The following CBLB variants were observed in gnomAD, a reference collection of about 807,000 sequenced individuals.
CBLB encodes the protein E3 ubiquitin-protein ligase CBL-B.
CBLB carries 31 observed loss-of-function variants against 104.9 expected under a neutral mutation model. That is an observed-to-expected ratio of 0.30 (90% CI 0.22 to 0.40). The LOEUF (loss-of-function observed/expected upper bound fraction) is 0.40, where lower values mean the gene tolerates loss of function less well. Among genes scored for constraint, CBLB ranks in the 10% least tolerant of loss-of-function variants. The pLI is 1.00. For missense variants in CBLB, 1,062 were observed against 1,214.6 expected, an observed-to-expected ratio of 0.87 and a Z score of 1.87; for synonymous variants, 440 against 422.6, an observed-to-expected ratio of 1.04 and a Z score of -0.51.
intron 4 of CBLB, among the ~76,000 whole-genome samples, chr3:105,754,493 A>AGAGAGAGAGAG (rs2076865567): frequency 1.6e-5 from 1 of 64,240 alleles, no homozygotes; most frequent in Non-Finnish European, 3.4e-5. Context: ...AAGAAAAGGG[A>AGAGAGAGAGAG]AGAGAGAGAG....
At chr3:105,741,101 T>TTTG (rs1553758254) in intron 6 of CBLB, among the ~76,000 whole-genome samples, 2 of 138,532 alleles carry the variant, frequency 1.4e-5, no homozygotes, top group Non-Finnish European at 3.1e-5. Flanking sequence ...TAGGGTTTTT[T>TTTG]TTTTTTTTTT....
intron 2 of CBLB, among the ~76,000 whole-genome samples, chr3:105,854,183 G>A (rs1323562827): frequency 1.3e-5 from 2 of 152,138 alleles, no homozygotes; most frequent in African/African-American, 4.8e-5. Context: ...GTAAATGTGT[G>A]TCAGGTCAGA....
intron 13 of CBLB, among the ~76,000 whole-genome samples, chr3:105,691,429 A>G (rs2067681778): frequency 6.6e-6 from 1 of 152,212 alleles, no homozygotes; most frequent in Non-Finnish European, 1.5e-5. Flanking sequence ...ACATTTTACT[A>G]TCAATTTGTT....
At chr3:105,841,074 A>T (rs2089468463) in intron 3 of CBLB, among the ~76,000 whole-genome samples, 1 of 152,090 alleles carries the variant, frequency 6.6e-6, no homozygotes, top group Non-Finnish European at 1.5e-5. Flanking sequence ...TGGGCAGATC[A>T]CCTAAGGTCA....
intron 3 of CBLB, among the ~76,000 whole-genome samples, chr3:105,835,522 C>G (rs1418933153): frequency 3.9e-5 from 6 of 152,136 alleles, no homozygotes; most frequent in Non-Finnish European, 5.9e-5. Context: ...TAAAATTAAA[C>G]AGAAAAATTA....
chr3:105,695,556 G>A (rs2068261736), intron 12 of CBLB, among the ~76,000 whole-genome samples: 1 of 151,744 alleles, frequency 6.6e-6, no homozygotes, highest in South Asian at 2.1e-4. Flanking sequence ...CTCTTGGAGG[G>A]CAATACCTAA....
intron 18 of CBLB, among the ~76,000 whole-genome samples, chr3:105,663,959 T>C (rs2152679438): frequency 6.6e-6 from 1 of 152,224 alleles, no homozygotes; most frequent in South Asian, 2.1e-4. Flanking sequence ...TTTTTTTTTT[T>C]TAAGTGAGAC....
intron 18 of CBLB, among the ~76,000 whole-genome samples, chr3:105,659,707 G>A (rs964877923): frequency 2.6e-5 from 4 of 152,102 alleles, no homozygotes; most frequent in African/African-American, 4.8e-5. Flanking sequence ...CGTCCCCACA[G>A]GTCCTGAGTC....
chr3:105,691,692 G>A (rs368321139), intron 13 of CBLB, among the ~76,000 whole-genome samples: 2 of 152,138 alleles, frequency 1.3e-5, no homozygotes, highest in Admixed American at 1.3e-4. Flanking sequence ...CACTGATTTA[G>A]AGCCTACTAC....
intron 3 of CBLB, among the ~76,000 whole-genome samples, chr3:105,820,265 G>C (rs1018210667): frequency 2.0e-5 from 3 of 152,142 alleles, no homozygotes; most frequent in African/African-American, 7.2e-5. Flanking sequence ...GAGCAATGTG[G>C]GGGCAGCTGT....
At position 105,857,286 on chromosome 3, in the gene CBLB, T is replaced by C. The variant is rs1444686408; in HGVS notation, c.169-3622A>G. 2.0e-5 allele frequency among the ~76,000 whole-genome samples: 3 copies of C among 152,362 alleles called. No individual in the cohort carries two copies. The East Asian group carries it at 5.8e-4, about 29-fold the overall frequency. On this transcript the variant is annotated intron_variant, in intron 2 of 18. Transcript: ENST00000394030. ...CTTTATTTAAAACTGTAATTCCATG[T>C]GGGAATTTATTGCTTTATCAGGTGG...
chr3:105,731,442 T>C (rs925127022), intron 9 of CBLB, among the ~76,000 whole-genome samples: 2 of 152,156 alleles, frequency 1.3e-5, no homozygotes, highest in Non-Finnish European at 2.9e-5. Context: ...AAAGTTGCAG[T>C]TTCCAAGAAT....
intron 4 of CBLB, among the ~76,000 whole-genome samples, chr3:105,763,896 C>T (rs1406038156): frequency 6.6e-6 from 1 of 152,230 alleles, no homozygotes; most frequent in East Asian, 1.9e-4. Flanking sequence ...GCTAGAGTAC[C>T]AGCATTTTCT....
intron 10 of CBLB, 144 bp downstream of exon 10, chr3:105,719,903 C>T: frequency 1.4e-6 from 1 of 719,504 alleles, no homozygotes; most frequent in Non-Finnish European, 2.5e-6. Flanking sequence ...ATTGATGATC[C>T]TGACCCTGTA....
At chr3:105,856,725 A>G (rs2091656601) in intron 2 of CBLB, among the ~76,000 whole-genome samples, 1 of 152,196 alleles carries the variant, frequency 6.6e-6, no homozygotes, top group Admixed American at 6.5e-5. Flanking sequence ...TTTATCTCCA[A>G]GAAAGTCCTT....
At chr3:105,822,397 T>A (rs1350709707) in intron 3 of CBLB, among the ~76,000 whole-genome samples, 1 of 152,228 alleles carries the variant, frequency 6.6e-6, no homozygotes, top group Non-Finnish European at 1.5e-5. Flanking sequence ...AGTTTCTATG[T>A]CTTTCCATGG....
intron 5 of CBLB, among the ~76,000 whole-genome samples, chr3:105,746,598 T>C (rs1413441046): frequency 6.6e-6 from 1 of 152,168 alleles, no homozygotes; most frequent in Non-Finnish European, 1.5e-5. Flanking sequence ...CAAATATCCA[T>C]CTCATTCCTG....
intron 17 of CBLB, chr3:105,670,878 A>T (rs2064996526): frequency 6.2e-6 from 1 of 160,636 alleles, no homozygotes; most frequent in South Asian, 2.0e-4. Context: ...TCTTCTGTAC[A>T]TACAAGGTGC....
intron 14 of CBLB, chr3:105,682,135 A>C (rs1420948726): frequency 3.7e-6 from 1 of 268,038 alleles, no homozygotes; most frequent in East Asian, 8.4e-5. Flanking sequence ...AACCTGGTCA[A>C]GTTTTTGAAG....
Sources: gnomAD v4.1 joint callset for allele counts (sites outside exome capture counted in the v4.1 genomes callset) on GRCh38, gnomAD v4.1.1 for gene constraint, MANE v1.5 for transcripts, NCBI Gene and HGNC (gene_info 2026-07-23, HGNC 2026-07-21) for gene names.